The following CLDN16 variants were observed in gnomAD, a reference collection of about 807,000 sequenced individuals.
CLDN16 encodes claudin-16.
Under a neutral mutation model 24.6 loss-of-function variants are expected in CLDN16, and 13 were observed. The observed-to-expected ratio is 0.53, with a 90% CI of 0.34 to 0.84. CLDN16 has a LOEUF of 0.84. Among genes scored for constraint, CLDN16 ranks in the 40% least tolerant of loss-of-function variants. The probability of loss-of-function intolerance (pLI) is 0.01; values close to 1 mark genes in which losing one functional copy is unlikely to be tolerated. For synonymous variants in CLDN16, 116 were observed against 106.7 expected (o/e 1.09, Z -0.54); for missense variants, 298 against 292.7 (o/e 1.02, Z -0.13).
chr3:190,348,771 AGCC>A (rs1399468754), intron 1 of CLDN16, among the ~76,000 whole-genome samples: 8 of 152,232 alleles, frequency 5.3e-5, no homozygotes, highest in Admixed American at 2.6e-4. Flanking sequence ...CCAGGTACTA[AGCC>A]TAGTACCCAT....
At chr3:190,382,564 A>G (rs1168066203) in intron 3 of CLDN16, among the ~76,000 whole-genome samples, 1 of 152,098 alleles carries the variant, frequency 6.6e-6, no homozygotes. Context: ...TCCTACCACT[A>G]TTTGAACCCC....
At chr3:190,313,586 C>A in the CLDN16 span, among the ~76,000 whole-genome samples, 3 of 152,070 alleles carry the variant, frequency 2.0e-5, no homozygotes, top group African/African-American at 7.2e-5. Context: ...ATTTGTATCT[C>A]CAGTGATGTG....
chr3:190,322,303 C>A, upstream of CLDN16: 7 of 1,114,578 alleles, frequency 6.3e-6, no homozygotes, highest in South Asian at 9.1e-5. Context: ...TGGCTGGGCC[C>A]CGCGGAGGAA....
rs779922888 is a variant in CLDN16 at position 190,410,033 on chromosome 3, G to A, written c.705G>A (p.Val235=). 1 of 1,614,102 alleles carries A rather than the reference G, an allele frequency of 6.2e-7. No individual in the cohort carries two copies. The highest frequency in any genetic ancestry group is 1.1e-5 in the South Asian group (1 of 91,084). ...AAATGTATGCTGTAGACACAAGGGT[G>A]TAAAATGCACGTTTCAGGGTGTGTT... ...TAKMYAVDTR[V] The change falls in exon 5 of 5, where the codon GTG becomes GTA. Residue 235 remains valine, a synonymous_variant. Coordinates refer to ENST00000264734, the MANE Select transcript of CLDN16 (RefSeq NM_006580.4).
chr3:190,411,037 T>G lies in CLDN16; in HGVS notation c.*1001T>G, dbSNP rs1269320130. ...CCGCACTTTGGGAGGCCAAGGCGGG[T>G]GGATCACGAGGTCAAGAGACGGAGA... On this transcript the variant is annotated 3_prime_UTR_variant, in exon 5 of 5. Transcript: ENST00000264734. The G allele has an allele frequency of 6.6e-6, 1 of 151,912 alleles. No homozygotes were observed. The highest frequency in any genetic ancestry group is 1.5e-5 in the Non-Finnish European group (1 of 67,990). 9.4% of individuals were successfully genotyped at this position (151,912 alleles called of 1,614,324 possible).
chr3:190,354,983 A>G (rs1717738936), intron 1 of CLDN16, among the ~76,000 whole-genome samples: 1 of 152,044 alleles, frequency 6.6e-6, no homozygotes. Flanking sequence ...AAAAGGTCAA[A>G]GTATTAGTTC....
At chr3:190,371,230 T>C (rs1346462405) in intron 2 of CLDN16, among the ~76,000 whole-genome samples, 1 of 151,162 alleles carries the variant, frequency 6.6e-6, no homozygotes, top group Admixed American at 6.6e-5. Context: ...GTATAATATA[T>C]ACATATTTAA....
intron 1 of CLDN16, among the ~76,000 whole-genome samples, chr3:190,396,614 G>T (rs2108664224): frequency 1.3e-5 from 2 of 152,234 alleles, no homozygotes; most frequent in African/African-American, 4.8e-5. Flanking sequence ...AATATAGTCG[G>T]CATGTTGACT....
intron 1 of CLDN16, among the ~76,000 whole-genome samples, chr3:190,332,057 A>T (rs1717192140): frequency 1.3e-5 from 2 of 152,196 alleles, no homozygotes; most frequent in East Asian, 3.9e-4. Flanking sequence ...GGGCTCATTC[A>T]GATAATCCAA....
intron 3 of CLDN16, among the ~76,000 whole-genome samples, chr3:190,377,312 A>G (rs1046350927): frequency 1.4e-4 from 21 of 151,984 alleles, no homozygotes; most frequent in African/African-American, 4.8e-4. Flanking sequence ...GCTGCTGCTA[A>G]TGCATTTGAT....
intron 3 of CLDN16, among the ~76,000 whole-genome samples, chr3:190,380,848 A>G (rs6444426): frequency 0.79 from 120,839 of 152,004 alleles, 48,159 homozygotes; most frequent in East Asian, 0.89. Flanking sequence ...CTGGACAATC[A>G]AAGCCTGAAG....
At chr3:190,383,278 G>A (rs894578584), upstream of CLDN16, among the ~76,000 whole-genome samples, 7 of 152,064 alleles carry the variant, frequency 4.6e-5, no homozygotes, top group African/African-American at 7.2e-5. Context: ...ATGTCACCAC[G>A]GAGGGGGCAG....
intron 1 of CLDN16, among the ~76,000 whole-genome samples, chr3:190,401,373 G>A (rs1220538201): frequency 6.6e-6 from 1 of 152,036 alleles, no homozygotes; most frequent in Non-Finnish European, 1.5e-5. Flanking sequence ...AAAAAATTAA[G>A]TTTTTATTTT....
upstream of CLDN16, among the ~76,000 whole-genome samples, chr3:190,320,232 T>C (rs1716882903): frequency 6.6e-6 from 1 of 152,238 alleles, no homozygotes; most frequent in Non-Finnish European, 1.5e-5. Flanking sequence ...TTTGGTCATT[T>C]CAGGAAGTTA....
rs137922216 is a variant in CLDN16, at chr3:190,348,025, C to T, written n.122-22868C>T. ...TTGAGAGGCCAAGGCAGGTGGATCACGAGGTCAGGAGATTGTGACCATCCT... is the reference window on the plus strand; with the variant it reads ...TTGAGAGGCCAAGGCAGGTGGATCATGAGGTCAGGAGATTGTGACCATCCT... On this transcript the variant is annotated intron_variant and non_coding_transcript_variant, in intron 1 of 4. Coordinates refer to the CLDN16 transcript ENST00000468220. 7.4e-4 allele frequency among the ~76,000 whole-genome samples: 110 copies of T among 147,780 alleles called. 1 individual carries two copies. The East Asian group carries it at 0.018, about 24-fold the overall frequency.
the CLDN16 span, among the ~76,000 whole-genome samples, chr3:190,312,650 T>C: frequency 6.6e-6 from 1 of 152,218 alleles, no homozygotes; most frequent in Non-Finnish European, 1.5e-5. Flanking sequence ...AACAAACCAG[T>C]TGCCACTTGA....
chr3:190,361,226 T>A (rs556371621), intron 1 of CLDN16, among the ~76,000 whole-genome samples: 1 of 152,146 alleles, frequency 6.6e-6, no homozygotes, highest in African/African-American at 2.4e-5. Context: ...GTCTTTATAC[T>A]GTTTGTAAAT....
chr3:190,312,724 T>G, the CLDN16 span: 1 of 847,016 alleles, frequency 1.2e-6, no homozygotes, highest in Non-Finnish European at 1.9e-6. Flanking sequence ...AGTTTGTGTT[T>G]GAGAACATGA....
the CLDN16 span, chr3:190,310,164 G>A: frequency 6.6e-5 from 107 of 1,611,502 alleles, 1 homozygote; most frequent in South Asian, 3.3e-4. Flanking sequence ...CCTGAATAGC[G>A]TTACCTGGCA....
Sources: allele counts gnomAD v4.1 joint callset (sites outside exome capture counted in the v4.1 genomes callset), GRCh38; gene constraint gnomAD v4.1.1; transcripts MANE v1.5; gene names NCBI Gene and HGNC (gene_info 2026-07-23, HGNC 2026-07-21).